ADAMTS16: variants seen among roughly 807,000 people sequenced by gnomAD.
ADAMTS16 encodes ADAM metallopeptidase with thrombospondin type 1 motif 16.
ADAMTS16 carries 94 observed loss-of-function variants against 145.8 expected under a neutral mutation model. The observed-to-expected ratio is 0.64, with a 90% CI of 0.55 to 0.77. The LOEUF (loss-of-function observed/expected upper bound fraction) is 0.77, where lower values mean the gene tolerates loss of function less well. ADAMTS16 is among the 30% of genes least tolerant of loss of function. The pLI, the probability that ADAMTS16 is intolerant of heterozygous loss-of-function variation, is 0.00. For synonymous variants in ADAMTS16, 659 were observed against 604.3 expected (o/e 1.09, Z -1.33); for missense variants, 1,585 against 1,591.5 (o/e 1.00, Z 0.07).
chr5:5,238,623 G>A (rs1737184826), intron 14 of ADAMTS16, among the ~76,000 whole-genome samples: 1 of 152,072 alleles, frequency 6.6e-6, no homozygotes, highest in South Asian at 2.1e-4. Flanking sequence ...TATTCTCTTT[G>A]TTAGAAAGTG....
rs146624413 is a variant in ADAMTS16 at position 5,275,068 on chromosome 5, A to G, written c.2789+12285A>G. 7.1e-3 allele frequency among the ~76,000 whole-genome samples: 1,086 copies of G among 152,338 alleles called. 7 individuals carry two copies. Among genetic ancestry groups the G allele is most frequent in the Non-Finnish European group, 0.012 (825 of 68,028 alleles). Reference sequence around the variant, plus strand: ...TATCTATGTCCATGCAATTACTGCAAATGTGCTCATAAGTGCTTCCTGAAA... The same window carrying G: ...TATCTATGTCCATGCAATTACTGCAGATGTGCTCATAAGTGCTTCCTGAAA... On this transcript the variant is annotated intron_variant, in intron 18 of 22. Coordinates refer to ENST00000274181, the MANE Select transcript of ADAMTS16 (RefSeq NM_139056.4).
At chr5:5,241,440 G>A (rs770035411) in intron 16 of ADAMTS16, among the ~76,000 whole-genome samples, 10 of 152,142 alleles carry the variant, frequency 6.6e-5, no homozygotes, top group East Asian at 1.9e-4. Context: ...GTACCTGCCC[G>A]TAGGCAAAAG....
At chr5:5,268,887 G>GTCGAT (rs1372478788) in intron 18 of ADAMTS16, among the ~76,000 whole-genome samples, 3 of 152,124 alleles carry the variant, frequency 2.0e-5, no homozygotes, top group Non-Finnish European at 1.5e-5. Flanking sequence ...GACGGAGGTA[G>GTCGAT]TCGAGCCTGG....
At position 5,274,163 on chromosome 5, in the gene ADAMTS16, C is replaced by T. The variant is rs79378203; in HGVS notation, c.2789+11380C>T. On this transcript the variant is annotated intron_variant, in intron 18 of 22. Coordinates refer to ENST00000274181, the MANE Select transcript of ADAMTS16 (RefSeq NM_139056.4). ...CTTCCCCACCATCAACATTCCCCAC[C>T]GGCGTGCTCCATTTGTAAAAATTTG... 9.1e-3 allele frequency among the ~76,000 whole-genome samples: 1,378 copies of T among 152,264 alleles called. 19 individuals carry two copies. The highest frequency in any genetic ancestry group is 0.031 in the African/African-American group (1,275 of 41,540).
intron 3 of ADAMTS16, among the ~76,000 whole-genome samples, chr5:5,155,743 G>C (rs1734585235): frequency 6.6e-6 from 1 of 152,158 alleles, no homozygotes; most frequent in African/African-American, 2.4e-5. Flanking sequence ...AGGAACAGGA[G>C]GCAGGAAGCC....
chr5:5,297,750 C>T (rs994167267), intron 18 of ADAMTS16, among the ~76,000 whole-genome samples: 3 of 152,210 alleles, frequency 2.0e-5, no homozygotes, highest in Admixed American at 6.5e-5. Flanking sequence ...ACGCCCACAG[C>T]GCTGCCTTTG....
intron 3 of ADAMTS16, among the ~76,000 whole-genome samples, chr5:5,158,906 C>T (rs762107544): frequency 1.3e-5 from 2 of 152,194 alleles, no homozygotes; most frequent in Non-Finnish European, 2.9e-5. Context: ...GATTGCCTAT[C>T]GTGTATTAAG....
chr5:5,241,835 A>G, intron 16 of ADAMTS16, among the ~76,000 whole-genome samples: 1 of 618 alleles, frequency 1.6e-3, no homozygotes, highest in South Asian at 0.17. Context: ...AACTGTAAGG[A>G]GAAGGTACAG....
chr5:5,254,196 TC>T (rs887035978), intron 17 of ADAMTS16, among the ~76,000 whole-genome samples: 10 of 152,162 alleles, frequency 6.6e-5, no homozygotes, highest in African/African-American at 2.4e-4. Context: ...CATCTTGCTC[TC>T]CCTGTTTCTA....
At chr5:5,289,025 T>C (rs1739204173) in intron 18 of ADAMTS16, among the ~76,000 whole-genome samples, 1 of 152,216 alleles carries the variant, frequency 6.6e-6, no homozygotes, top group African/African-American at 2.4e-5. Context: ...GGTGTGTATG[T>C]GTGCTTTAAA....
At chr5:5,210,250 G>T (rs1553991068) in intron 10 of ADAMTS16, among the ~76,000 whole-genome samples, 1 of 152,052 alleles carries the variant, frequency 6.6e-6, no homozygotes, top group Admixed American at 6.6e-5. Context: ...AAACTAATGG[G>T]TTTTTTTCAA....
intron 3 of ADAMTS16, among the ~76,000 whole-genome samples, chr5:5,160,341 A>G (rs1734709632): frequency 6.6e-6 from 1 of 152,166 alleles, no homozygotes; most frequent in Non-Finnish European, 1.5e-5. Context: ...GTCAATCCTA[A>G]TTATCTATTC....
At chr5:5,209,420 A>T (rs1736216476) in intron 10 of ADAMTS16, among the ~76,000 whole-genome samples, 174 bp downstream of exon 10, 1 of 152,200 alleles carries the variant, frequency 6.6e-6, no homozygotes, top group Non-Finnish European at 1.5e-5. Flanking sequence ...AAAGAAGACG[A>T]CAGGAGATAC....
At chr5:5,218,459 C>A (rs1736498479) in intron 10 of ADAMTS16, among the ~76,000 whole-genome samples, 1 of 152,160 alleles carries the variant, frequency 6.6e-6, no homozygotes, top group Non-Finnish European at 1.5e-5. Context: ...CCCACGGCAG[C>A]CTCTAGGAGT....
chr5:5,205,139 A>C (rs1320856993), intron 9 of ADAMTS16, among the ~76,000 whole-genome samples: 4 of 151,972 alleles, frequency 2.6e-5, no homozygotes, highest in African/African-American at 9.7e-5. Context: ...CATTCTGAGT[A>C]TAAACATTTT....
At chr5:5,186,310 G>C in intron 5 of ADAMTS16, 59 bp downstream of exon 5, 1 of 1,288,124 alleles carries the variant, frequency 7.8e-7, no homozygotes, top group Non-Finnish European at 1.1e-6. Flanking sequence ...GGGTGTGTGT[G>C]TGTGTGTGTG....
At chr5:5,296,015 T>A (rs1332667303) in intron 18 of ADAMTS16, among the ~76,000 whole-genome samples, 1 of 152,190 alleles carries the variant, frequency 6.6e-6, no homozygotes, top group Non-Finnish European at 1.5e-5. Flanking sequence ...AGCTGAGTTG[T>A]TTAGGAGGCT....
chr5:5,235,093 A>C lies in ADAMTS16; in HGVS notation c.1930A>C (p.Ser644Arg), dbSNP rs777183350. The change falls in exon 13 of 23, where the codon AGT (serine) becomes CGT (arginine). Residue 644 changes from serine (S) to arginine (R), a missense_variant. Ser to Arg is a moderately radical substitution (Grantham distance 110). This residue lies in a region of ADAMTS16 where 834 missense variants were observed against 811.7 expected (regional missense o/e 1.03). Transcript: ENST00000274181. ...LCNSQKCPRDSVDFRAAQCAE... is the reference protein window; with the variant it reads ...LCNSQKCPRDRVDFRAAQCAE... ...CAACAGTCAGAAATGTCCCCGGGACAGTGTTGACTTCCGTGCTGCTCAGTG... is the reference window on the plus strand; with the variant it reads ...CAACAGTCAGAAATGTCCCCGGGACCGTGTTGACTTCCGTGCTGCTCAGTG... 1.2e-6 allele frequency: 2 copies of C among 1,608,270 alleles called. No individual in the cohort carries two copies. Among genetic ancestry groups the C allele is most frequent in the East Asian group, 2.2e-5 (1 of 44,642 alleles).
chr5:5,318,044 A>T, intron 21 of ADAMTS16, 90 bp from the exon 22 acceptor site: 1 of 1,238,414 alleles, frequency 8.1e-7, no homozygotes, highest in Non-Finnish European at 1.0e-6. Flanking sequence ...GGCCTGCAGC[A>T]GCAGGCCTTT....
Sources: gnomAD v4.1 joint callset for allele counts (sites outside exome capture counted in the v4.1 genomes callset) on GRCh38, gnomAD v4.1.1 for gene constraint, gnomAD v4.1.1 regional missense constraint, MANE v1.5 for transcripts, NCBI Gene and HGNC (gene_info 2026-07-23, HGNC 2026-07-21) for gene names.